Variants in KAT2B observed in about 807,000 individuals in gnomAD.
KAT2B encodes the protein lysine acetyltransferase 2B.
In KAT2B, 36 loss-of-function variants were observed where a neutral mutation model predicts 105.9. That is an observed-to-expected ratio of 0.34 (90% CI 0.26 to 0.45). The LOEUF (loss-of-function observed/expected upper bound fraction) is 0.45, where lower values mean the gene tolerates loss of function less well. Ranked by LOEUF, KAT2B falls within the 20% of genes least tolerant of loss-of-function variation. The probability of loss-of-function intolerance (pLI) is 1.00; values close to 1 mark genes in which losing one functional copy is unlikely to be tolerated. For missense variants in KAT2B, 820 were observed against 1,021.6 expected (o/e 0.80, Z 2.69); for synonymous variants, 397 against 377.9 (o/e 1.05, Z -0.59).
chr3:20,069,745 G>A (rs926342972), intron 1 of KAT2B, among the ~76,000 whole-genome samples: 1 of 151,944 alleles, frequency 6.6e-6, no homozygotes, highest in African/African-American at 2.4e-5. Flanking sequence ...TGGCCAGGAT[G>A]GTCTTGAACT....
At chr3:20,049,478 G>C (rs1267800116) in intron 1 of KAT2B, among the ~76,000 whole-genome samples, 1 of 152,162 alleles carries the variant, frequency 6.6e-6, no homozygotes, top group Non-Finnish European at 1.5e-5. Flanking sequence ...AGCTACAGTG[G>C]TTACTCATGA....
At chr3:20,132,146 G>C (rs529252731) in intron 11 of KAT2B, among the ~76,000 whole-genome samples, 2 of 152,080 alleles carry the variant, frequency 1.3e-5, no homozygotes, top group Non-Finnish European at 2.9e-5. Context: ...AGGCTGAGGC[G>C]GGCGGATCAC....
At chr3:20,071,657 G>A (rs1055214021) in intron 1 of KAT2B, among the ~76,000 whole-genome samples, 28 of 152,192 alleles carry the variant, frequency 1.8e-4, no homozygotes, top group African/African-American at 6.3e-4. Context: ...AGAGTATGTG[G>A]ACAAAGTTAA....
chr3:20,099,819 A>C, intron 3 of KAT2B, 43 bp from the exon 4 acceptor site: 1 of 1,013,738 alleles, frequency 9.9e-7, no homozygotes, highest in Non-Finnish European at 1.5e-6. Context: ...TAGACATACC[A>C]ATTAAGTTTT....
In KAT2B at chr3:20,069,820, C is replaced by A. The variant is rs79230681; in HGVS notation, c.304-2513C>A. On this transcript the variant is annotated intron_variant, in intron 1 of 17. Coordinates refer to ENST00000263754, the MANE Select transcript of KAT2B (RefSeq NM_003884.5). ...CTGGAATAACAGGTGTGAGCCACTG[C>A]GCCCGGCCAAGCTTTTCTTGTATCT... 6.6e-4 allele frequency among the ~76,000 whole-genome samples: 100 copies of A among 152,252 alleles called. 1 individual carries two copies. The East Asian group carries it at 0.018, about 27-fold the overall frequency.
intron 1 of KAT2B, among the ~76,000 whole-genome samples, chr3:20,063,742 C>T (rs973383824): frequency 6.6e-6 from 1 of 150,988 alleles, no homozygotes; most frequent in African/African-American, 2.4e-5. Flanking sequence ...AGGGTTTCAC[C>T]ATGTTGGCCA....
chr3:20,119,962 T>G (rs1252258927), intron 8 of KAT2B, among the ~76,000 whole-genome samples: 1 of 152,240 alleles, frequency 6.6e-6, no homozygotes, highest in East Asian at 1.9e-4. Flanking sequence ...GTTGGCTGAT[T>G]TCAGCTAGTC....
In KAT2B at chr3:20,047,409, A is replaced by G. The variant is rs568145613; in HGVS notation, c.303+6629A>G. On this transcript the variant is annotated intron_variant, in intron 1 of 17. Coordinates refer to ENST00000263754, the MANE Select transcript of KAT2B (RefSeq NM_003884.5). ...TTTAATATGAATATGACTAACACTT[A>G]AAATCTGAAAAATCTCACTTCGTGA... Among the ~76,000 whole-genome samples the G allele has an allele frequency of 1.2e-4, 18 of 152,062 alleles. No homozygotes were observed. In the East Asian group the frequency reaches 3.5e-3, roughly 30 times the overall value.
At chr3:20,079,537 A>T (rs538937457) in intron 2 of KAT2B, among the ~76,000 whole-genome samples, 9 of 152,182 alleles carry the variant, frequency 5.9e-5, no homozygotes, top group Admixed American at 5.9e-4. Flanking sequence ...GAAGGTCAAG[A>T]GTTAGCTTTA....
At chr3:20,095,754 C>T (rs951679779) in intron 3 of KAT2B, among the ~76,000 whole-genome samples, 1 of 152,108 alleles carries the variant, frequency 6.6e-6, no homozygotes, top group Non-Finnish European at 1.5e-5. Flanking sequence ...CAGAGTTCTT[C>T]CCCTCATGCA....
At chr3:20,141,369 GA>G (rs56780132) in intron 13 of KAT2B, among the ~76,000 whole-genome samples, 69,208 of 148,896 alleles carry the variant, frequency 0.46, 18,817 homozygotes, top group East Asian at 0.93. Context: ...TTCTAAGGCA[GA>G]AAAAAAAAAC....
At chr3:20,138,477 T>G (rs1242702226) in intron 12 of KAT2B, among the ~76,000 whole-genome samples, 2 of 152,174 alleles carry the variant, frequency 1.3e-5, no homozygotes, top group Non-Finnish European at 2.9e-5. Context: ...TGATGGTAAT[T>G]TGCTTAGAAT....
intron 12 of KAT2B, among the ~76,000 whole-genome samples, chr3:20,137,892 A>C (rs1289733999): frequency 6.6e-6 from 1 of 152,194 alleles, no homozygotes; most frequent in East Asian, 1.9e-4. Context: ...CTGTAATCCT[A>C]GTACTTTGGG....
chr3:20,133,026 T>TA (rs1303621185), intron 11 of KAT2B, among the ~76,000 whole-genome samples: 6 of 152,200 alleles, frequency 3.9e-5, no homozygotes, highest in African/African-American at 7.2e-5. Flanking sequence ...TTCCTCTAGT[T>TA]AAAAAAATTT....
At chr3:20,089,851 G>A (rs1276073514) in intron 2 of KAT2B, among the ~76,000 whole-genome samples, 1 of 151,800 alleles carries the variant, frequency 6.6e-6, no homozygotes, top group Non-Finnish European at 1.5e-5. Context: ...TTTGTTGTTA[G>A]TATACAGAAA....
intron 3 of KAT2B, 118 bp from the exon 4 acceptor site, chr3:20,099,744 T>A: frequency 2.7e-6 from 1 of 374,352 alleles, no homozygotes; most frequent in Non-Finnish European, 5.1e-6. Context: ...CTTTAAAGGC[T>A]GTGTGTGTGT....
At chr3:20,103,636 T>C (rs1390644537) in intron 5 of KAT2B, among the ~76,000 whole-genome samples, 2 of 152,130 alleles carry the variant, frequency 1.3e-5, no homozygotes, top group Admixed American at 1.3e-4. Flanking sequence ...CTCAAACTCC[T>C]GACCTCAAGC....
rs932963615 is a variant in KAT2B, at chr3:20,153,392, C to G, written c.*867C>G. The G allele has an allele frequency of 6.6e-6, 1 of 152,256 alleles. No individual in the cohort carries two copies. The highest frequency in any genetic ancestry group is 1.5e-5 in the Non-Finnish European group (1 of 67,980). The allele number at this position is 152,256 out of a possible 1,614,324, so 9.4% of individuals were successfully genotyped here. A position where few individuals can be genotyped will look rare whatever the true frequency, so the allele number is the denominator to read the frequency against. On this transcript the variant is annotated 3_prime_UTR_variant, in exon 18 of 18. Transcript: ENST00000263754. ...AAAGATGTATGGTCTATATATGTAT[C>G]AATCTGGTGAATCCTCGTTCTAATA...
At chr3:20,069,058 G>A (rs1698273473) in intron 1 of KAT2B, among the ~76,000 whole-genome samples, 1 of 152,102 alleles carries the variant, frequency 6.6e-6, no homozygotes. Flanking sequence ...ACCATTTTAG[G>A]TGCATTGGTT....
Sources: gnomAD v4.1 joint callset for allele counts (sites outside exome capture counted in the v4.1 genomes callset) on GRCh38, gnomAD v4.1.1 for gene constraint, MANE v1.5 for transcripts, NCBI Gene and HGNC (gene_info 2026-07-23, HGNC 2026-07-21) for gene names.